SUZ12: variants seen among roughly 807,000 people sequenced by gnomAD.
SUZ12 encodes polycomb protein SUZ12.
SUZ12 carries 17 observed loss-of-function variants against 87.3 expected under a neutral mutation model. The observed-to-expected ratio is 0.19, with a 90% CI of 0.13 to 0.29. SUZ12 has a LOEUF of 0.29. Among genes scored for constraint, SUZ12 ranks in the 10% least tolerant of loss-of-function variants. SUZ12 has a pLI of 1.00. For synonymous variants in SUZ12, 253 were observed against 312.4 expected (o/e 0.81, Z 2.01); for missense variants, 526 against 912.2 (o/e 0.58, Z 5.45).
chr17:31,955,637 A>G (rs1598155876), intron 4 of SUZ12, among the ~76,000 whole-genome samples: 1 of 152,094 alleles, frequency 6.6e-6, no homozygotes, highest in East Asian at 2.0e-4. Context: ...AATCCCAGCT[A>G]TTCAGGAGGC....
Position 31,962,860 on chromosome 17 carries a change from T to A in SUZ12, c.456-3287T>A, listed in dbSNP as rs575176267. Among the ~76,000 whole-genome samples, 3 of 152,362 alleles carry A rather than the reference T, an allele frequency of 2.0e-5. No individual in the cohort carries two copies. In the East Asian group the frequency reaches 5.8e-4, roughly 29 times the overall value. ...AAAAGTAGATTCTTATGAAAGTTAATCTGGTCTTAGTATGTAGTTTTAATT... is the reference window on the plus strand; with the variant it reads ...AAAAGTAGATTCTTATGAAAGTTAAACTGGTCTTAGTATGTAGTTTTAATT... On this transcript the variant is annotated intron_variant, in intron 4 of 15. Coordinates refer to ENST00000322652, the MANE Select transcript of SUZ12 (RefSeq NM_015355.4).
chr17:31,946,982 C>T (rs1253074267), intron 3 of SUZ12, among the ~76,000 whole-genome samples: 2 of 152,198 alleles, frequency 1.3e-5, no homozygotes, highest in Non-Finnish European at 2.9e-5. Context: ...TTTAATATGA[C>T]ATATCATTGA....
Position 31,941,995 on chromosome 17 carries a change from G to A in SUZ12, c.386+1509G>A, listed in dbSNP as rs76101868. On this transcript the variant is annotated intron_variant, in intron 3 of 15. Transcript: ENST00000322652. ...AGCCTCCCGAGTAGCTGGAATTACAGGCTCCCGCCACCACACCCAGCTGAT... is the reference window on the plus strand; with the variant it reads ...AGCCTCCCGAGTAGCTGGAATTACAAGCTCCCGCCACCACACCCAGCTGAT... Among the ~76,000 whole-genome samples the A allele has an allele frequency of 4.0e-3, 609 of 152,048 alleles. 5 individuals are homozygous for A. The highest frequency in any genetic ancestry group is 7.1e-3 in the Non-Finnish European group (486 of 68,000).
At chr17:31,954,528 G>A (rs1221484830) in intron 4 of SUZ12, among the ~76,000 whole-genome samples, 1 of 151,986 alleles carries the variant, frequency 6.6e-6, no homozygotes, top group Non-Finnish European at 1.5e-5. Context: ...CTAAGCCCTC[G>A]GGTATATAAG....
Position 31,988,466 on chromosome 17 carries a change from G to T in SUZ12, c.1170G>T (p.Lys390Asn), listed in dbSNP as rs1162298160. The change falls in exon 10 of 16, where the codon AAG becomes AAT. Residue 390 changes from lysine (K) to asparagine (N), a missense_variant. Coordinates refer to ENST00000322652, the MANE Select transcript of SUZ12 (RefSeq NM_015355.4). Reference sequence around the variant, plus strand: ...CAGAGAGTCTCCATCAGGAAAACAAGCCTGGTTCAGTTAAACCTACTCAAA... The same window carrying T: ...CAGAGAGTCTCCATCAGGAAAACAATCCTGGTTCAGTTAAACCTACTCAAA... ...RNSESLHQEN[K>N]PGSVKPTQTI... The T allele has an allele frequency of 3.7e-6, 6 of 1,606,546 alleles. No individual in the cohort carries two copies. The highest frequency in any genetic ancestry group is 1.7e-5 in the Admixed American group (1 of 57,604).
intron 5 of SUZ12, among the ~76,000 whole-genome samples, chr17:31,971,705 T>C (rs1238095430): frequency 6.6e-6 from 1 of 152,070 alleles, no homozygotes; most frequent in Non-Finnish European, 1.5e-5. Flanking sequence ...GCTGCGATTA[T>C]AGGCGTGAGC....
At chr17:31,949,554 G>A (rs1026388297) in intron 4 of SUZ12, among the ~76,000 whole-genome samples, 12 of 146,932 alleles carry the variant, frequency 8.2e-5, no homozygotes, top group Admixed American at 7.0e-5. Context: ...GAGTCATGCA[G>A]TGGTGCTATC....
intron 5 of SUZ12, among the ~76,000 whole-genome samples, chr17:31,968,824 A>G (rs1197816024): frequency 1.3e-5 from 2 of 152,204 alleles, no homozygotes; most frequent in Non-Finnish European, 2.9e-5. Flanking sequence ...GGACCTGTGT[A>G]GAACACATAG....
chr17:31,965,475 C>G (rs1190453521), intron 4 of SUZ12, among the ~76,000 whole-genome samples: 1 of 152,094 alleles, frequency 6.6e-6, no homozygotes, highest in African/African-American at 2.4e-5. Flanking sequence ...AGCACTAGTT[C>G]TAGTTCATGC....
chr17:31,949,451 C>T (rs766411203), intron 4 of SUZ12, among the ~76,000 whole-genome samples: 41 of 152,146 alleles, frequency 2.7e-4, no homozygotes, highest in Admixed American at 5.2e-4. Flanking sequence ...CCCAGAGGCA[C>T]TAAGATGAAT....
rs761586261 is a variant in SUZ12 at position 31,994,734 on chromosome 17, G to C, written c.1595+13G>C. The C allele has an allele frequency of 6.2e-7, 1 of 1,607,618 alleles. No individual in the cohort carries two copies. The highest frequency in any genetic ancestry group is 8.5e-7 in the Non-Finnish European group (1 of 1,176,786). ...TTCTTGTGTGCAGGTAGGTAAAAAG[G>C]GCATATAAGAAAAGTTTAAGCTCTG... On this transcript the variant is annotated intron_variant, in intron 13 of 15. Coordinates refer to ENST00000322652, the MANE Select transcript of SUZ12 (RefSeq NM_015355.4).
At chr17:31,980,618 T>G (rs1008263013) in intron 8 of SUZ12, among the ~76,000 whole-genome samples, 1 of 151,928 alleles carries the variant, frequency 6.6e-6, no homozygotes, top group East Asian at 1.9e-4. Context: ...CTGGCTAATT[T>G]TGTATTTCTA....
At chr17:31,956,115 G>A (rs9675226) in intron 4 of SUZ12, among the ~76,000 whole-genome samples, 29 of 151,750 alleles carry the variant, frequency 1.9e-4, no homozygotes, top group African/African-American at 6.5e-4. Flanking sequence ...GGGTTTCACC[G>A]TGTTAGCCAG....
chr17:31,957,472 C>A (rs894716995), intron 4 of SUZ12, among the ~76,000 whole-genome samples: 1 of 151,650 alleles, frequency 6.6e-6, no homozygotes, highest in South Asian at 2.1e-4. Context: ...AGTACAGTGG[C>A]GTGATCTTGG....
At chr17:31,984,365 A>G (rs1461600991) in intron 9 of SUZ12, among the ~76,000 whole-genome samples, 1 of 152,226 alleles carries the variant, frequency 6.6e-6, no homozygotes, top group Non-Finnish European at 1.5e-5. Flanking sequence ...TAGACCTAAT[A>G]CATTCTGCAA....
rs374855083 is a variant in SUZ12, at chr17:31,966,153, A to T, written c.462A>T (p.Ser154=). 6.3e-7 allele frequency: 1 copy of T among 1,583,314 alleles called. No individual in the cohort carries two copies. The highest frequency in any genetic ancestry group is 1.4e-5 in the African/African-American group (1 of 72,622). ...MKGEQESHSL[S]AHLQLTFTGF... ...TCCTTTTTTTTTTTTTTAGCTTGTC[A>T]GCTCATTTGCAGCTTACGTTTACTG... Residue 154 remains serine (S), a synonymous_variant, in exon 5 of 16, where the codon TCA becomes TCT. Transcript: ENST00000322652.
intron 8 of SUZ12, among the ~76,000 whole-genome samples, chr17:31,976,941 CAG>C (rs1908789382): frequency 6.6e-6 from 1 of 152,148 alleles, no homozygotes; most frequent in Non-Finnish European, 1.5e-5. Context: ...GTGGAGGAAA[CAG>C]ACCACCACCC....
rs1339749663 is a variant in SUZ12 at position 31,976,389 on chromosome 17, ATAT to A, written c.824-127_824-125del. 70 of 710,706 alleles carry A rather than the reference ATAT, an allele frequency of 9.8e-5. No homozygotes were observed. In the East Asian group the frequency reaches 1.9e-3, roughly 19 times the overall value. 44.0% of individuals were successfully genotyped at this position (710,706 alleles called of 1,614,324 possible). On this transcript the variant is annotated intron_variant, in intron 7 of 15. Transcript: ENST00000322652. ...GCAAAATTGGAAACATGTGGTCTGTATATTATTGCAACTTTAGTGTAATTCGTA... is the reference window on the plus strand; with the variant it reads ...GCAAAATTGGAAACATGTGGTCTGTATATTGCAACTTTAGTGTAATTCGTA...
At chr17:31,971,091 A>G (rs1398772090) in intron 5 of SUZ12, among the ~76,000 whole-genome samples, 1 of 152,204 alleles carries the variant, frequency 6.6e-6, no homozygotes, top group South Asian at 2.1e-4. Flanking sequence ...GTAAGCCAAG[A>G]TATTCTAGAT....
Sources: gnomAD v4.1 joint callset for allele counts (sites outside exome capture counted in the v4.1 genomes callset) on GRCh38, gnomAD v4.1.1 for gene constraint, MANE v1.5 for transcripts, NCBI Gene and HGNC (gene_info 2026-07-23, HGNC 2026-07-21) for gene names.